DPP8: variants seen among roughly 807,000 people sequenced by gnomAD.
DPP8 encodes dipeptidyl peptidase 8.
DPP8 carries 31 observed loss-of-function variants against 107.5 expected under a neutral mutation model. The ratio of observed to expected loss-of-function variants is 0.29; its 90% CI spans 0.22 to 0.39. DPP8 has a LOEUF of 0.39. Among genes scored for constraint, DPP8 ranks in the 10% least tolerant of loss-of-function variants. The probability of loss-of-function intolerance (pLI) is 1.00; values close to 1 mark genes in which losing one functional copy is unlikely to be tolerated. For synonymous variants in DPP8, 381 were observed against 356.6 expected (o/e 1.07, Z -0.77); for missense variants, 842 against 1,076.1 (o/e 0.78, Z 3.04).
chr15:65,516,467 T>TG (rs2141165573), intron 1 of DPP8: 1 of 151,244 alleles, frequency 6.6e-6, no homozygotes, highest in South Asian at 2.1e-4. Context: ...CTATTACATC[T>TG]GTTACTCTAT....
At chr15:65,459,348 T>G (rs2064720602) in intron 15 of DPP8, among the ~76,000 whole-genome samples, 1 of 151,790 alleles carries the variant, frequency 6.6e-6, no homozygotes, top group African/African-American at 2.4e-5. Context: ...AACTAATTTT[T>G]TTATTTTTTG....
At chr15:65,470,261 T>G (rs2065757958) in intron 12 of DPP8, among the ~76,000 whole-genome samples, 1 of 148,390 alleles carries the variant, frequency 6.7e-6, no homozygotes, top group Admixed American at 6.7e-5. Flanking sequence ...AACAGTCACT[T>G]GTAAAAGTAG....
rs77139906 is a variant in DPP8 at position 65,469,868 on chromosome 15, T to A, written c.1537-2645A>T. ...AAAAAGAAGCTCATAGGCTTAAAAG[T>A]CTTAAAGCTTTACCCAATTACTGCC... is the stretch of plus-strand genomic sequence containing the variant. On this transcript the variant is annotated intron_variant, in intron 12 of 19. Coordinates refer to ENST00000300141, the MANE Select transcript of DPP8 (RefSeq NM_130434.5). Among the ~76,000 whole-genome samples the A allele has an allele frequency of 3.1e-3, 462 of 149,866 alleles. 2 individuals carry two copies. Among genetic ancestry groups the A allele is most frequent in the African/African-American group, 0.011 (445 of 40,876 alleles).
rs755204385 is a variant in DPP8 at position 65,497,852 on chromosome 15, A to C, written c.715+12T>G. 1 of 1,456,706 alleles carries C rather than the reference A, an allele frequency of 6.9e-7. No individual in the cohort carries two copies. Among genetic ancestry groups the C allele is most frequent in the East Asian group, 2.4e-5 (1 of 40,820 alleles). The allele number at this position is 1,456,706 out of a possible 1,614,324, so 90.2% of individuals were successfully genotyped here. A position where few individuals can be genotyped will look rare whatever the true frequency, so the allele number is the denominator to read the frequency against. On this transcript the variant is annotated intron_variant, in intron 5 of 19. Transcript: ENST00000300141. ...CTGTTCAGAAAAGTAAATCTGAAGA[A>C]CTACGCCTTACCATTGTGCACATAA... is the stretch of plus-strand genomic sequence containing the variant.
chr15:65,480,903 C>T (rs2066868660), intron 9 of DPP8, among the ~76,000 whole-genome samples: 2 of 152,176 alleles, frequency 1.3e-5, no homozygotes, highest in Non-Finnish European at 2.9e-5. Flanking sequence ...TTGAGACCAA[C>T]CTGACAACAC....
intron 15 of DPP8, among the ~76,000 whole-genome samples, chr15:65,463,428 G>A (rs900331458): frequency 1.7e-4 from 26 of 152,072 alleles, no homozygotes; most frequent in Non-Finnish European, 2.9e-5. Flanking sequence ...TGTAATCCCA[G>A]CTACTTGGGA....
chr15:65,452,222 G>A, intron 17 of DPP8, 120 bp from the exon 18 acceptor site: 1 of 1,135,062 alleles, frequency 8.8e-7, no homozygotes, highest in East Asian at 2.7e-5. Context: ...CTTACTACTG[G>A]CGCATACATG....
At chr15:65,493,853 T>G (rs1341800155) in intron 5 of DPP8, among the ~76,000 whole-genome samples, 1 of 152,090 alleles carries the variant, frequency 6.6e-6, no homozygotes, top group Non-Finnish European at 1.5e-5. Context: ...CAAATCCATC[T>G]CAAGTGGACT....
intron 6 of DPP8, among the ~76,000 whole-genome samples, chr15:65,488,413 C>G (rs1260763537): frequency 6.6e-6 from 1 of 151,356 alleles, no homozygotes; most frequent in Non-Finnish European, 1.5e-5. Flanking sequence ...CAAACCACAC[C>G]CTGGGCAACA....
At chr15:65,503,714 C>A (rs556401264) in intron 3 of DPP8, among the ~76,000 whole-genome samples, 1 of 152,236 alleles carries the variant, frequency 6.6e-6, no homozygotes, top group Admixed American at 6.5e-5. Flanking sequence ...CCTCTGCCTC[C>A]CGGGTTCAAT....
intron 12 of DPP8, among the ~76,000 whole-genome samples, chr15:65,469,218 G>T (rs990753870): frequency 6.6e-6 from 1 of 151,244 alleles, no homozygotes; most frequent in Non-Finnish European, 1.5e-5. Context: ...CAGATGATCC[G>T]CCTGCCTCGG....
In DPP8 at chr15:65,491,894, G is replaced by A. The variant is rs1054418783; in HGVS notation, c.716-1595C>T. 3.3e-5 allele frequency among the ~76,000 whole-genome samples: 5 copies of A among 152,042 alleles called. No individual in the cohort carries two copies. In the South Asian group the frequency reaches 6.2e-4, roughly 19 times the overall value. Reference sequence around the variant, plus strand: ...ACTACAGGTGCCCGCCACGATGCCCGGCTAATTTTTTCTATTTTTAGTAGA... The same window carrying A: ...ACTACAGGTGCCCGCCACGATGCCCAGCTAATTTTTTCTATTTTTAGTAGA... On this transcript the variant is annotated intron_variant, in intron 5 of 19. Coordinates refer to ENST00000300141, the MANE Select transcript of DPP8 (RefSeq NM_130434.5).
chr15:65,451,210 T>C lies in DPP8; in HGVS notation c.2415-100A>G, dbSNP rs540756159. On this transcript the variant is annotated intron_variant, in intron 18 of 19. Coordinates refer to ENST00000300141, the MANE Select transcript of DPP8 (RefSeq NM_130434.5). The stretch of plus-strand genomic sequence containing the variant: ...ATACTTAACCATATTAACTTCCTTA[T>C]ACTGTAATGTTAGAATAAGAATTCA... 1.3e-4 allele frequency: 93 copies of C among 708,358 alleles called. No individual in the cohort carries two copies. The African/African-American group carries it at 1.5e-3, about 11-fold the overall frequency. The allele number at this position is 708,358 out of a possible 1,614,324, so 43.9% of individuals were successfully genotyped here.
At position 65,497,981 on chromosome 15, in the gene DPP8, TC is replaced by T; in HGVS notation, c.597del (p.Met200TrpfsTer27). 6.2e-7 allele frequency: 1 copy of T among 1,611,066 alleles called. No individual in the cohort carries two copies. The highest frequency in any genetic ancestry group is 8.5e-7 in the Non-Finnish European group (1 of 1,178,114). Reference sequence around the variant, plus strand: ...TCAGCAGGGCATAATTTTGGATCCATCCGTATGTTGGGACAACTAGTTTCCA... The same window carrying T: ...TCAGCAGGGCATAATTTTGGATCCATCGTATGTTGGGACAACTAGTTTCCA... ...NLVETSCPNI[R>X]MDPKLCPADP... On this transcript the variant is annotated frameshift_variant, in exon 5 of 20. Transcript: ENST00000300141. LOFTEE classifies it high-confidence loss of function.
chr15:65,449,292 T>A (rs1253705439), intron 19 of DPP8, among the ~76,000 whole-genome samples: 1 of 147,558 alleles, frequency 6.8e-6, no homozygotes, highest in African/African-American at 2.5e-5. Context: ...ATAATATATA[T>A]ATTTAAAACA....
In DPP8 at chr15:65,466,760, C is replaced by T; in HGVS notation, c.1743G>A (p.Val581=). The T allele has an allele frequency of 1.2e-6, 2 of 1,613,864 alleles. No homozygotes were observed. Among genetic ancestry groups the T allele is most frequent in the Admixed American group, 1.7e-5 (1 of 60,004 alleles). ...CAGGACTTGATAGCTTGTAAAGGGA[C>T]ACACAGTGTGGATTCTTCTGGTTAC... is the stretch of plus-strand genomic sequence containing the variant. ...KYSNQKNPHC[V]SLYKLSSPED... The change falls in exon 14 of 20, where the codon GTG becomes GTA. Residue 581 remains valine, a synonymous_variant. Transcript: ENST00000300141.
intron 15 of DPP8, among the ~76,000 whole-genome samples, chr15:65,460,269 C>A (rs557741715): frequency 1.3e-5 from 2 of 152,082 alleles, no homozygotes; most frequent in South Asian, 4.2e-4. Context: ...TGGTGAAACC[C>A]TGTCTCTACT....
chr15:65,515,597 G>C (rs576559998), intron 1 of DPP8: 1 of 1,454,880 alleles, frequency 6.9e-7, no homozygotes, highest in South Asian at 1.1e-5. Flanking sequence ...TCTCAGCACA[G>C]TGCATATATT....
chr15:65,510,311 C>A (rs1380511087), intron 2 of DPP8, among the ~76,000 whole-genome samples: 1 of 151,738 alleles, frequency 6.6e-6, no homozygotes, highest in Non-Finnish European at 1.5e-5. Context: ...GACCCCGTCT[C>A]AAAAAATAAT....
Sources: gnomAD v4.1 joint callset for allele counts (sites outside exome capture counted in the v4.1 genomes callset) on GRCh38, gnomAD v4.1.1 for gene constraint, MANE v1.5 for transcripts, NCBI Gene and HGNC (gene_info 2026-07-23, HGNC 2026-07-21) for gene names.